Variants in MCM8 observed in about 807,000 individuals in gnomAD.
MCM8 encodes the protein minichromosome maintenance 8 homologous recombination repair factor, also known as DNA helicase MCM8.
A neutral mutation model predicts 98.9 loss-of-function variants in MCM8; 85 were observed. That is an observed-to-expected ratio of 0.86 (90% CI 0.72 to 1.03). MCM8 has a LOEUF of 1.03. MCM8 is among the 50% of genes least tolerant of loss of function. The probability of loss-of-function intolerance (pLI) is 0.00; values close to 1 mark genes in which losing one functional copy is unlikely to be tolerated. For missense variants in MCM8, 951 were observed against 997.8 expected, an observed-to-expected ratio of 0.95 and a Z score of 0.63; for synonymous variants, 352 against 338.6, an observed-to-expected ratio of 1.04 and a Z score of -0.44.
At chr20:5,971,686 G>A (rs780851891) in intron 10 of MCM8, among the ~76,000 whole-genome samples, 1 of 152,164 alleles carries the variant, frequency 6.6e-6, no homozygotes, top group South Asian at 2.1e-4. Context: ...ATATAATCCC[G>A]TATCCTAAAA....
At chr20:5,967,294 G>A (rs1275622544) in intron 8 of MCM8, 142 bp from the exon 9 acceptor site, 2 of 559,448 alleles carry the variant, frequency 3.6e-6, no homozygotes, top group South Asian at 4.4e-5. Flanking sequence ...AACTGCTGAA[G>A]TAATTTTAGA....
chr20:5,954,970 A>T, intron 4 of MCM8, 132 bp from the exon 5 acceptor site: 2 of 670,040 alleles, frequency 3.0e-6, no homozygotes, highest in Non-Finnish European at 5.0e-6. Flanking sequence ...CACAAAGCTT[A>T]TACTTATGTC....
intron 17 of MCM8, chr20:5,991,368 C>T (rs2089848442): frequency 6.6e-6 from 1 of 152,172 alleles, no homozygotes; most frequent in Non-Finnish European, 1.5e-5. Context: ...CCAAGAGGAA[C>T]TCTTAAGTGT....
chr20:5,955,745 A>G (rs1216549368), intron 5 of MCM8, among the ~76,000 whole-genome samples: 2 of 152,154 alleles, frequency 1.3e-5, no homozygotes, highest in Admixed American at 6.5e-5. Context: ...AACATATATG[A>G]AAACATTTTT....
intron 18 of MCM8, 143 bp from the exon 19 acceptor site, chr20:5,994,156 G>A (rs1394458512): frequency 3.0e-5 from 14 of 466,322 alleles, no homozygotes; most frequent in Non-Finnish European, 4.9e-5. Context: ...TCAAATATAG[G>A]CAGTTTGCTC....
At chr20:5,978,161 C>G (rs902445226) in intron 13 of MCM8, 144 bp downstream of exon 13, 4 of 850,452 alleles carry the variant, frequency 4.7e-6, no homozygotes, top group Non-Finnish European at 7.2e-6. Context: ...CAGAAATAAT[C>G]ATTGGAAATG....
chr20:5,983,102 T>C lies in MCM8; in HGVS notation c.1670T>C (p.Ile557Thr), dbSNP rs772159634. The C allele has an allele frequency of 8.7e-6, 14 of 1,614,184 alleles. No homozygotes were observed. The Admixed American group carries it at 2.3e-4, about 27-fold the overall frequency. ...VCSLPARTSIIAAANPVGGHY... is the reference protein window; with the variant it reads ...VCSLPARTSITAAANPVGGHY... ...AGCCTTCCTGCAAGAACTTCCATTA[T>C]TGCTGCTGCAAATCCAGTTGGAGGA... The change falls in exon 14 of 19, where the codon ATT (isoleucine) becomes ACT (threonine). Residue 557 changes from isoleucine (I) to threonine (T), a missense_variant. Physicochemically the swap from Ile to Thr is moderately conservative, Grantham distance 89. Transcript: ENST00000610722.
intron 12 of MCM8, among the ~76,000 whole-genome samples, chr20:5,974,430 T>C (rs1443206038): frequency 6.6e-6 from 1 of 152,236 alleles, no homozygotes; most frequent in Non-Finnish European, 1.5e-5. Context: ...GCTTGGCCAC[T>C]GTGCTTTCTA....
At chr20:5,962,215 A>C (rs1020458598) in intron 7 of MCM8, among the ~76,000 whole-genome samples, 2 of 152,218 alleles carry the variant, frequency 1.3e-5, no homozygotes, top group African/African-American at 2.4e-5. Context: ...CAAGAAGTGC[A>C]GTTGGTAGGC....
At chr20:5,988,545 T>C (rs2089779732) in intron 17 of MCM8, among the ~76,000 whole-genome samples, 1 of 152,168 alleles carries the variant, frequency 6.6e-6, no homozygotes. Context: ...CCAGTGGCAA[T>C]TATTAGCAGT....
chr20:5,971,541 A>G (rs2089403182), intron 10 of MCM8, among the ~76,000 whole-genome samples: 1 of 152,172 alleles, frequency 6.6e-6, no homozygotes, highest in South Asian at 2.1e-4. Context: ...TTCTTATTTA[A>G]TTTGACCTTT....
At chr20:5,963,250 GT>G in intron 7 of MCM8, 23 bp from the exon 8 acceptor site, 1 of 1,554,098 alleles carries the variant, frequency 6.4e-7, no homozygotes, top group Non-Finnish European at 8.9e-7. Context: ...AAATCTGAAT[GT>G]GAATTACTTT....
chr20:5,992,388 T>C (rs2122845688), intron 17 of MCM8, among the ~76,000 whole-genome samples: 1 of 152,294 alleles, frequency 6.6e-6, no homozygotes, highest in African/African-American at 2.4e-5. Flanking sequence ...GGAATAAGAA[T>C]AGTTCCTAAA....
Position 5,954,669 on chromosome 20 carries a change from G to A in MCM8, c.315G>A (p.Arg105=). ...KIQAFEKFFT[R]HIDLYDKDEI... ...AAGCATTTGAAAAATTTTTCACAAG[G>A]CATATTGATTTGTATGACAAGGTAA... Residue 105 remains arginine (R), a synonymous_variant, in exon 4 of 19, where the codon AGG becomes AGA. Coordinates refer to ENST00000610722, the MANE Select transcript of MCM8 (RefSeq NM_032485.6). 1 of 1,603,610 alleles carries A rather than the reference G, an allele frequency of 6.2e-7. No individual in the cohort carries two copies. Among genetic ancestry groups the A allele is most frequent in the Non-Finnish European group, 8.5e-7 (1 of 1,171,038 alleles).
Position 5,992,370 on chromosome 20 carries a change from G to A in MCM8, c.2241-1136G>A, listed in dbSNP as rs530086585. Among the ~76,000 whole-genome samples, 18 of 152,210 alleles carry A rather than the reference G, an allele frequency of 1.2e-4. 1 individual carries two copies. The highest frequency in any genetic ancestry group is 4.2e-4 in the South Asian group (2 of 4,818). On this transcript the variant is annotated intron_variant, in intron 17 of 18. Coordinates refer to ENST00000610722, the MANE Select transcript of MCM8 (RefSeq NM_032485.6). ...ACCTAATAAGAATGTTTTTTCATCC[G>A]TAAAATGGGAATAAGAATAGTTCCT...
intron 14 of MCM8, among the ~76,000 whole-genome samples, chr20:5,984,022 CAAACTT>C: frequency 6.6e-6 from 1 of 152,292 alleles, no homozygotes; most frequent in East Asian, 1.9e-4. Flanking sequence ...AGCACATTAA[CAAACTT>C]AAATATGTGG....
At chr20:5,957,292 A>G in intron 6 of MCM8, 63 bp downstream of exon 6, 1 of 1,215,060 alleles carries the variant, frequency 8.2e-7, no homozygotes, top group South Asian at 1.4e-5. Context: ...TTTAAGAATG[A>G]AAACGCTCAT....
chr20:5,952,323 T>C (rs950097290), intron 2 of MCM8, 101 bp from the exon 3 acceptor site: 162 of 1,551,500 alleles, frequency 1.0e-4, no homozygotes, highest in Non-Finnish European at 4.6e-5. Flanking sequence ...CTAAAACCCC[T>C]AATTTGGATA....
rs2089961912 is a variant in MCM8, at chr20:5,996,671, T to C, written c.*2280T>C. The C allele has an allele frequency of 6.6e-6, 1 of 152,180 alleles. No homozygotes were observed. The highest frequency in any genetic ancestry group is 2.4e-5 in the African/African-American group (1 of 41,442). 9.4% of individuals were successfully genotyped at this position (152,180 alleles called of 1,614,324 possible). ...TATTGTTCAAAGAGGAAAATAAGTC[T>C]CAAAGGTTAAGGCTATTATATAAAT... is the stretch of plus-strand genomic sequence containing the variant. On this transcript the variant is annotated 3_prime_UTR_variant, in exon 19 of 19. Coordinates refer to ENST00000610722, the MANE Select transcript of MCM8 (RefSeq NM_032485.6).
Sources: allele counts gnomAD v4.1 joint callset (sites outside exome capture counted in the v4.1 genomes callset), GRCh38; gene constraint gnomAD v4.1.1; transcripts MANE v1.5; gene names NCBI Gene and HGNC (gene_info 2026-07-23, HGNC 2026-07-21).